Variants in CNNM3 observed in about 807,000 individuals in gnomAD.
CNNM3 encodes cyclin and CBS domain divalent metal cation transport mediator 3, also known as metal transporter CNNM3.
Under a neutral mutation model 57.1 loss-of-function variants are expected in CNNM3, and 47 were observed. The observed-to-expected ratio is 0.82, with a 90% CI of 0.65 to 1.05. The LOEUF is 1.05. Among genes scored for constraint, CNNM3 ranks in the 50% least tolerant of loss-of-function variants. CNNM3 has a pLI of 0.00. For missense variants in CNNM3, 957 were observed against 973.7 expected (o/e 0.98, Z 0.23); for synonymous variants, 507 against 478.2 (o/e 1.06, Z -0.79).
intron 1 of CNNM3, 34 bp from the exon 2 acceptor site, chr2:96,825,024 A>G (rs757671833): frequency 6.2e-7 from 1 of 1,610,024 alleles, no homozygotes; most frequent in African/African-American, 1.3e-5. Context: ...GGGGGGGCCC[A>G]GCAAGCTGTT....
chr2:96,821,277 C>A (rs1417975198), intron 1 of CNNM3, among the ~76,000 whole-genome samples: 1 of 152,082 alleles, frequency 6.6e-6, no homozygotes, highest in Non-Finnish European at 1.5e-5. Context: ...TTTGTCCTTC[C>A]TAACCTTCTT....
chr2:96,830,552 A>C (rs561433948), intron 7 of CNNM3, among the ~76,000 whole-genome samples: 1 of 152,292 alleles, frequency 6.6e-6, no homozygotes, highest in East Asian at 1.9e-4. Context: ...CAGAAATCCC[A>C]CCCTGGGCCA....
At chr2:96,823,568 C>T (rs1238815438) in intron 1 of CNNM3, among the ~76,000 whole-genome samples, 4 of 152,186 alleles carry the variant, frequency 2.6e-5, no homozygotes, top group Admixed American at 6.5e-5. Context: ...TCCCGGAAAG[C>T]GGGGAGACGA....
At chr2:96,818,487 G>A (rs904645000) in intron 1 of CNNM3, among the ~76,000 whole-genome samples, 5 of 150,584 alleles carry the variant, frequency 3.3e-5, no homozygotes, top group African/African-American at 1.2e-4. Context: ...CTGACCTCAA[G>A]TGATCCTCCC....
chr2:96,832,944 T>C lies in CNNM3; in HGVS notation c.*328T>C. 7.2e-7 allele frequency: 1 copy of C among 1,391,084 alleles called. No individual in the cohort carries two copies. Among genetic ancestry groups the C allele is most frequent in the Non-Finnish European group, 9.5e-7 (1 of 1,054,658 alleles). The allele number at this position is 1,391,084 out of a possible 1,614,324, so 86.2% of individuals were successfully genotyped here. On this transcript the variant is annotated 3_prime_UTR_variant, in exon 8 of 8. Coordinates refer to ENST00000305510, the MANE Select transcript of CNNM3 (RefSeq NM_017623.5). ...CCGGGGCAGGGACAGTGCGGCATAT[T>C]CAGATTCAGACCTCTTTGGGCTGAG... is the stretch of plus-strand genomic sequence containing the variant.
intron 2 of CNNM3, among the ~76,000 whole-genome samples, chr2:96,825,858 G>A (rs1323872835): frequency 2.0e-5 from 3 of 148,772 alleles, no homozygotes; most frequent in Non-Finnish European, 2.9e-5. Flanking sequence ...TTGAGATCAC[G>A]CCACTGCGCT....
In CNNM3 at chr2:96,817,311, G is replaced by A; in HGVS notation, c.1034G>A (p.Gly345Asp). The A allele has an allele frequency of 6.2e-7, 1 of 1,613,936 alleles. No homozygotes were observed. Among genetic ancestry groups the A allele is most frequent in the Non-Finnish European group, 8.5e-7 (1 of 1,180,042 alleles). ...GTCCTGGCCAGCATCATGCAGAGCG[G>A]CCACACGCGCATCCCGGTGTACGAG... ...FGVLASIMQS[G>D]HTRIPVYEEE... Residue 345 changes from glycine (G) to aspartate (D), a missense_variant, in exon 1 of 8, where the codon GGC becomes GAC. By Grantham distance (94) the Gly-to-Asp change is moderately conservative. Around this residue, in one of 2 missense-constraint regions of CNNM3, gnomAD observed 491 missense variants for 570.6 expected, o/e 0.86. Transcript: ENST00000305510.
At chr2:96,823,468 G>A (rs1411301519) in intron 1 of CNNM3, among the ~76,000 whole-genome samples, 1 of 152,172 alleles carries the variant, frequency 6.6e-6, no homozygotes, top group Non-Finnish European at 1.5e-5. Context: ...ATGTAGAGAC[G>A]GCACCCAGCA....
rs1574120337 is a variant in CNNM3 at position 96,833,368 on chromosome 2, C to T, written c.*752C>T. The T allele has an allele frequency of 4.0e-6, 1 of 252,396 alleles. No homozygotes were observed. Among genetic ancestry groups the T allele is most frequent in the East Asian group, 1.1e-4 (1 of 8,708 alleles). The allele number at this position is 252,396 out of a possible 1,614,324, so 15.6% of individuals were successfully genotyped here. A position where few individuals can be genotyped will look rare whatever the true frequency, so the allele number is the denominator to read the frequency against. Reference sequence around the variant, plus strand: ...CCCGTGTTCTGAGAAGAGGTCATGCCTGGGAGGAAGGGATCGTCATGCTGC... The same window carrying T: ...CCCGTGTTCTGAGAAGAGGTCATGCTTGGGAGGAAGGGATCGTCATGCTGC... On this transcript the variant is annotated 3_prime_UTR_variant, in exon 8 of 8. Transcript: ENST00000305510.
At chr2:96,836,309 C>T (rs2079691029), downstream of CNNM3, among the ~76,000 whole-genome samples, 1 of 146,286 alleles carries the variant, frequency 6.8e-6, no homozygotes, top group African/African-American at 2.6e-5. Flanking sequence ...ATGGCGTGGT[C>T]TCGGCTCACT....
In CNNM3 at chr2:96,827,904, G is replaced by T. The variant is rs1396226581; in HGVS notation, c.1689+4G>T. 1 of 1,609,980 alleles carries T rather than the reference G, an allele frequency of 6.2e-7. No individual in the cohort carries two copies. Among genetic ancestry groups the T allele is most frequent in the Non-Finnish European group, 8.5e-7 (1 of 1,176,912 alleles). Reference sequence around the variant, plus strand: ...TTACTTCATTCTCATCCTGCAGGTAGCTGTGGGTCCCAGGCCTGGAGTCCC... The same window carrying T: ...TTACTTCATTCTCATCCTGCAGGTATCTGTGGGTCCCAGGCCTGGAGTCCC... On this transcript the variant is annotated splice_donor_region_variant and intron_variant, in intron 4 of 7. Transcript: ENST00000305510.
intron 2 of CNNM3, among the ~76,000 whole-genome samples, chr2:96,826,244 G>A (rs2079502113): frequency 6.6e-6 from 1 of 151,604 alleles, no homozygotes; most frequent in Non-Finnish European, 1.5e-5. Flanking sequence ...AGACGGTCTT[G>A]CTCTGTCATC....
At position 96,832,764 on chromosome 2, in the gene CNNM3, C is replaced by G. The variant is rs2079625876; in HGVS notation, c.*148C>G. ...TGTAGTTGCGGGTCCTGGGTGTCCTCAGAACTAGACATCAATGCCTGGATC... is the reference window on the plus strand; with the variant it reads ...TGTAGTTGCGGGTCCTGGGTGTCCTGAGAACTAGACATCAATGCCTGGATC... On this transcript the variant is annotated 3_prime_UTR_variant, in exon 8 of 8. Coordinates refer to ENST00000305510, the MANE Select transcript of CNNM3 (RefSeq NM_017623.5). 1.3e-6 allele frequency: 2 copies of G among 1,511,822 alleles called. No homozygotes were observed. Among genetic ancestry groups the G allele is most frequent in the South Asian group, 2.5e-5 (2 of 80,286 alleles). 93.7% of individuals were successfully genotyped at this position (1,511,822 alleles called of 1,614,324 possible). A position where few individuals can be genotyped will look rare whatever the true frequency, so the allele number is the denominator to read the frequency against.
Position 96,827,854 on chromosome 2 carries a change from T to A in CNNM3, c.1643T>A (p.Leu548Gln), listed in dbSNP as rs773988981. 3 of 1,614,118 alleles carry A rather than the reference T, an allele frequency of 1.9e-6. No homozygotes were observed. Among genetic ancestry groups the A allele is most frequent in the South Asian group, 1.1e-5 (1 of 91,078 alleles). ...AACCGGCTGGCCACACACCACTACC[T>A]GTACCAGCGCAGCCAGCCGGTGGAT... is the stretch of plus-strand genomic sequence containing the variant. ...ESNRLATHHY[L>Q]YQRSQPVDYF... The change falls in exon 4 of 8, where the codon CTG becomes CAG. Residue 548 changes from leucine to glutamine, a missense_variant. Physicochemically the swap from Leu to Gln is moderately radical, Grantham distance 113. Transcript: ENST00000305510.
At position 96,817,159 on chromosome 2, in the gene CNNM3, G is replaced by T. The variant is rs747679335; in HGVS notation, c.882G>T (p.Ala294=). The T allele has an allele frequency of 2.8e-6, 4 of 1,427,236 alleles. No homozygotes were observed. The highest frequency in any genetic ancestry group is 3.2e-5 in the South Asian group (2 of 63,468). The allele number at this position is 1,427,236 out of a possible 1,614,324, so 88.4% of individuals were successfully genotyped here. A position where few individuals can be genotyped will look rare whatever the true frequency, so the allele number is the denominator to read the frequency against. The change falls in exon 1 of 8, where the codon GCG becomes GCT. Residue 294 remains alanine (A), a synonymous_variant. Transcript: ENST00000305510. ...TGCGGGAGCGGGTGCTGGAGCTGGC[G>T]CGCGGCGGCGGCGACCCCTACAGCG... ...GRLRERVLEL[A]RGGGDPYSDL...
At chr2:96,827,610 C>T (rs1015025646) in intron 3 of CNNM3, 121 bp from the exon 4 acceptor site, 12 of 1,012,674 alleles carry the variant, frequency 1.2e-5, no homozygotes, top group Admixed American at 2.5e-5. Flanking sequence ...GGCAGCTGCT[C>T]ACAGGCCACC....
In CNNM3 at chr2:96,817,404, G is replaced by A. The variant is rs749962291; in HGVS notation, c.1127G>A (p.Cys376Tyr). 6.2e-7 allele frequency: 1 copy of A among 1,614,042 alleles called. No homozygotes were observed. The highest frequency in any genetic ancestry group is 8.5e-7 in the Non-Finnish European group (1 of 1,180,044). Residue 376 changes from cysteine to tyrosine, a missense_variant, in exon 1 of 8, where the codon TGC becomes TAC. Around this residue, in one of 2 missense-constraint regions of CNNM3, gnomAD observed 491 missense variants for 570.6 expected, o/e 0.86. Transcript: ENST00000305510. ...TTGGCCTTCGTGGATCCCGAAGACT[G>A]CACGCCGCTCAGCACCATCACTCGT... ...KDLAFVDPED[C>Y]TPLSTITRFY...
intron 2 of CNNM3, 44 bp downstream of exon 2, chr2:96,825,245 C>T: frequency 6.2e-7 from 1 of 1,606,562 alleles, no homozygotes; most frequent in Non-Finnish European, 8.5e-7. Context: ...TGGGCCTGCA[C>T]ACTTCCCCAG....
At position 96,833,070 on chromosome 2, in the gene CNNM3, G is replaced by A. The variant is rs1321538709; in HGVS notation, c.*454G>A. Reference sequence around the variant, plus strand: ...GCTGCTGGCAGCACTTTTTGAGCAAGCCGAGAGCACCCATTTTGGCTGGGG... The same window carrying A: ...GCTGCTGGCAGCACTTTTTGAGCAAACCGAGAGCACCCATTTTGGCTGGGG... On this transcript the variant is annotated 3_prime_UTR_variant, in exon 8 of 8. Transcript: ENST00000305510. 8.0e-7 allele frequency: 1 copy of A among 1,257,354 alleles called. No individual in the cohort carries two copies. Among genetic ancestry groups the A allele is most frequent in the African/African-American group, 1.5e-5 (1 of 65,166 alleles). The allele number at this position is 1,257,354 out of a possible 1,614,324, so 77.9% of individuals were successfully genotyped here.
Sources: allele counts gnomAD v4.1 joint callset (sites outside exome capture counted in the v4.1 genomes callset), GRCh38; gene constraint gnomAD v4.1.1; regional missense constraint gnomAD v4.1.1; transcripts MANE v1.5; gene names NCBI Gene and HGNC (gene_info 2026-07-23, HGNC 2026-07-21).